Variants in OXSR1 observed in about 807,000 individuals in gnomAD.
OXSR1 encodes oxidative stress responsive kinase 1, also known as serine/threonine-protein kinase OSR1.
A neutral mutation model predicts 79.8 loss-of-function variants in OXSR1; 24 were observed. The observed-to-expected ratio is 0.30, with a 90% CI of 0.22 to 0.42. OXSR1 has a LOEUF of 0.42. Among genes scored for constraint, OXSR1 ranks in the 10% least tolerant of loss-of-function variants. The pLI is 1.00. For synonymous variants in OXSR1, 226 were observed against 209.2 expected (o/e 1.08, Z -0.69); for missense variants, 430 against 618.4 (o/e 0.70, Z 3.23).
chr3:38,240,108 T>G (rs1372040501), intron 11 of OXSR1, among the ~76,000 whole-genome samples: 1 of 152,190 alleles, frequency 6.6e-6, no homozygotes, highest in Non-Finnish European at 1.5e-5. Context: ...GTAACTGTAC[T>G]GAAGGGGAAT....
chr3:38,239,195 C>T (rs1296751162), intron 11 of OXSR1, among the ~76,000 whole-genome samples: 1 of 152,104 alleles, frequency 6.6e-6, no homozygotes, highest in East Asian at 1.9e-4. Context: ...ACATCCTTCT[C>T]TTCTAATTCT....
Position 38,183,936 on chromosome 3 carries a change from A to G in OXSR1, c.183+821A>G, listed in dbSNP as rs1701832915. Among the ~76,000 whole-genome samples the G allele has an allele frequency of 2.6e-5, 4 of 152,324 alleles. No individual in the cohort carries two copies. The Middle Eastern group carries it at 0.01, about 389-fold the overall frequency. On this transcript the variant is annotated intron_variant, in intron 2 of 17. Transcript: ENST00000311806. Reference sequence around the variant, plus strand: ...TTTCTTTGGCTTAATGAAAATAATAATACTTGCTTTGGATACCTTTTGAGG... The same window carrying G: ...TTTCTTTGGCTTAATGAAAATAATAGTACTTGCTTTGGATACCTTTTGAGG...
At chr3:38,178,976 C>T (rs1360186928) in intron 1 of OXSR1, among the ~76,000 whole-genome samples, 1 of 150,556 alleles carries the variant, frequency 6.6e-6, no homozygotes, top group South Asian at 2.1e-4. Context: ...TGATCCTCCC[C>T]ACCTCAGGCT....
intron 1 of OXSR1, among the ~76,000 whole-genome samples, chr3:38,182,677 T>G (rs1378399878): frequency 6.6e-6 from 1 of 152,184 alleles, no homozygotes; most frequent in East Asian, 1.9e-4. Flanking sequence ...TTCAGAGCCC[T>G]CTTATGATTG....
intron 1 of OXSR1, among the ~76,000 whole-genome samples, chr3:38,167,033 G>A (rs1282511753): frequency 6.6e-6 from 1 of 152,144 alleles, no homozygotes; most frequent in Non-Finnish European, 1.5e-5. Flanking sequence ...AGTAAGGGAA[G>A]AGCTTGATTT....
chr3:38,199,074 C>T (rs988833920), intron 4 of OXSR1, among the ~76,000 whole-genome samples: 1 of 152,118 alleles, frequency 6.6e-6, no homozygotes. Context: ...TTCATAATTT[C>T]GTACCAAGAG....
At chr3:38,210,911 A>G (rs1214800338) in intron 4 of OXSR1, among the ~76,000 whole-genome samples, 1 of 152,184 alleles carries the variant, frequency 6.6e-6, no homozygotes, top group African/African-American at 2.4e-5. Context: ...CTTTTCCTGT[A>G]TAGGTGATCT....
intron 4 of OXSR1, among the ~76,000 whole-genome samples, chr3:38,208,997 TGC>T (rs1702329191): frequency 6.7e-6 from 1 of 148,228 alleles, no homozygotes; most frequent in Admixed American, 6.7e-5. Context: ...CGCGCGCGCG[TGC>T]GCGCATGTGC....
intron 4 of OXSR1, among the ~76,000 whole-genome samples, chr3:38,199,382 G>T: frequency 6.6e-6 from 1 of 150,760 alleles, no homozygotes; most frequent in East Asian, 1.9e-4. Context: ...TCCCACCTCA[G>T]CCTCCTCAGG....
intron 1 of OXSR1, among the ~76,000 whole-genome samples, chr3:38,180,458 T>G (rs1283935754): frequency 6.6e-6 from 1 of 151,824 alleles, no homozygotes; most frequent in African/African-American, 2.4e-5. Flanking sequence ...TATGTTTTCA[T>G]AATGCAAACA....
chr3:38,205,531 T>C (rs1199838766), intron 4 of OXSR1, among the ~76,000 whole-genome samples: 4 of 152,234 alleles, frequency 2.6e-5, no homozygotes, highest in Admixed American at 6.5e-5. Context: ...TTGTCTCCAC[T>C]GTGTACCTTT....
intron 12 of OXSR1, 55 bp from the exon 13 acceptor site, chr3:38,246,020 G>C: frequency 6.4e-7 from 1 of 1,560,584 alleles, no homozygotes; most frequent in Non-Finnish European, 8.8e-7. Flanking sequence ...GCTGTCAGCA[G>C]ACCTGCCTCC....
At chr3:38,243,497 G>C (rs559578252) in intron 12 of OXSR1, among the ~76,000 whole-genome samples, 1 of 152,180 alleles carries the variant, frequency 6.6e-6, no homozygotes, top group African/African-American at 2.4e-5. Context: ...TTCTTATTGG[G>C]CTGGTTTTCC....
chr3:38,190,761 C>A lies in OXSR1; in HGVS notation c.214C>A (p.His72Asn). The A allele has an allele frequency of 6.2e-7, 1 of 1,602,468 alleles. No homozygotes were observed. Among genetic ancestry groups the A allele is most frequent in the Non-Finnish European group, 8.5e-7 (1 of 1,169,692 alleles). ...AATTCAAGCCATGAGTCAATGCCATCATCCTAATATTGTATCTTACTACAC... is the reference window on the plus strand; with the variant it reads ...AATTCAAGCCATGAGTCAATGCCATAATCCTAATATTGTATCTTACTACAC... ...KEIQAMSQCH[H>N]PNIVSYYTSF... The change falls in exon 3 of 18, where the codon CAT (histidine) becomes AAT (asparagine). Residue 72 changes from histidine to asparagine, a missense_variant. Physicochemically the swap from His to Asn is moderately conservative, Grantham distance 68 (BLOSUM62 1). Coordinates refer to ENST00000311806, the MANE Select transcript of OXSR1 (RefSeq NM_005109.3).
intron 4 of OXSR1, among the ~76,000 whole-genome samples, chr3:38,202,086 GA>G (rs1702176014): frequency 6.6e-6 from 1 of 152,202 alleles, no homozygotes; most frequent in South Asian, 2.1e-4. Context: ...AGTCATAGTA[GA>G]GTAGTTGAAT....
chr3:38,186,416 C>T (rs547435240), intron 2 of OXSR1, among the ~76,000 whole-genome samples: 1 of 152,276 alleles, frequency 6.6e-6, no homozygotes, highest in South Asian at 2.1e-4. Context: ...GTGCAACCAT[C>T]ACCACTATCA....
At chr3:38,198,146 G>A (rs1702099641) in intron 3 of OXSR1, among the ~76,000 whole-genome samples, 1 of 152,166 alleles carries the variant, frequency 6.6e-6, no homozygotes, top group African/African-American at 2.4e-5. Flanking sequence ...TGATAATACA[G>A]CTGGACTGTT....
At chr3:38,181,727 A>G (rs1701790014) in intron 1 of OXSR1, among the ~76,000 whole-genome samples, 1 of 151,972 alleles carries the variant, frequency 6.6e-6, no homozygotes, top group South Asian at 2.1e-4. Context: ...GGTAATTCCA[A>G]CATCTGATTT....
chr3:38,219,334 TTAAAAAG>T (rs1208431076), intron 5 of OXSR1, among the ~76,000 whole-genome samples: 2 of 152,180 alleles, frequency 1.3e-5, no homozygotes, highest in Non-Finnish European at 2.9e-5. Flanking sequence ...TTAGTAGGTT[TTAAAAAG>T]TAAAAACTCT....
Sources: allele counts gnomAD v4.1 joint callset (sites outside exome capture counted in the v4.1 genomes callset), GRCh38; gene constraint gnomAD v4.1.1; transcripts MANE v1.5; gene names NCBI Gene and HGNC (gene_info 2026-07-23, HGNC 2026-07-21).